The following CD46 variants were observed in gnomAD, a reference collection of about 807,000 sequenced individuals.
The protein encoded by CD46 is membrane cofactor protein.
CD46 carries 30 observed loss-of-function variants against 53.3 expected under a neutral mutation model. That is an observed-to-expected ratio of 0.56 (90% CI 0.42 to 0.76). The LOEUF is 0.76. Among genes scored for constraint, CD46 ranks in the 30% least tolerant of loss-of-function variants. The probability of loss-of-function intolerance (pLI) is 0.00; values close to 1 mark genes in which losing one functional copy is unlikely to be tolerated. For missense variants in CD46, 409 were observed against 463.0 expected (o/e 0.88, Z 1.07); for synonymous variants, 142 against 152.0 (o/e 0.93, Z 0.48).
chr1:207,772,573 C>T (rs922969465), intron 8 of CD46, among the ~76,000 whole-genome samples: 32 of 152,176 alleles, frequency 2.1e-4, no homozygotes, highest in Non-Finnish European at 4.6e-4. Context: ...AGATATATTC[C>T]ATCAATACCT....
At chr1:207,779,913 C>CTGTTTTTTTTTTTTTTTTT (rs1658543170) in intron 8 of CD46, among the ~76,000 whole-genome samples, 1 of 62,382 alleles carries the variant, frequency 1.6e-5, no homozygotes, top group Non-Finnish European at 3.0e-5. Context: ...AAAAGCAAGT[C>CTGTTTTTTTTTTTTTTTTT]TTTTTTTTTT....
intron 6 of CD46, 82 bp downstream of exon 6, chr1:207,767,277 A>G (rs1180313725): frequency 2.1e-5 from 25 of 1,182,124 alleles, no homozygotes; most frequent in Non-Finnish European, 3.2e-5. Flanking sequence ...GATATTAACT[A>G]TCAGTCATAC....
intron 7 of CD46, chr1:207,768,919 T>C (rs1303265179): frequency 6.6e-6 from 1 of 152,190 alleles, no homozygotes; most frequent in Admixed American, 6.5e-5. Context: ...CTCCCTAATA[T>C]TTTAAAGGAT....
chr1:207,771,948 C>T (rs1452707900), intron 8 of CD46, among the ~76,000 whole-genome samples: 1 of 152,108 alleles, frequency 6.6e-6, no homozygotes, highest in Non-Finnish European at 1.5e-5. Context: ...TCAGTGGTAG[C>T]TTGATGTGGA....
chr1:207,764,374 A>G (rs2102580968), intron 5 of CD46, among the ~76,000 whole-genome samples: 3 of 152,314 alleles, frequency 2.0e-5, no homozygotes, highest in Admixed American at 2.0e-4. Context: ...AATCCATGTA[A>G]TTAATGGCCG....
rs921136248 is a variant in CD46 at position 207,763,555 on chromosome 1, A to G, written c.673+2109A>G. Among the ~76,000 whole-genome samples, 15 of 152,354 alleles carry G rather than the reference A, an allele frequency of 9.8e-5. No individual in the cohort carries two copies. In the East Asian group the frequency reaches 1.7e-3, roughly 18 times the overall value. On this transcript the variant is annotated intron_variant, in intron 5 of 12. Coordinates refer to ENST00000367042, the MANE Select transcript of CD46 (RefSeq NM_172351.3). ...CTCGGAGACGGCGAGCTGCAACTGC[A>G]GCAATCTTGTTTAAATTTAGGTAGG...
intron 8 of CD46, among the ~76,000 whole-genome samples, chr1:207,781,451 T>C (rs1353927678): frequency 6.6e-6 from 1 of 152,154 alleles, no homozygotes; most frequent in Non-Finnish European, 1.5e-5. Flanking sequence ...TGAAATATAA[T>C]TTTTTTCTTG....
intron 6 of CD46, chr1:207,767,562 A>G (rs765660436): frequency 3.0e-5 from 43 of 1,456,294 alleles, no homozygotes; most frequent in Non-Finnish European, 4.1e-5. Flanking sequence ...AATGAGAGCA[A>G]TAACTCCCAA....
At chr1:207,792,317 T>G (rs917408551) in intron 12 of CD46, among the ~76,000 whole-genome samples, 2 of 152,034 alleles carry the variant, frequency 1.3e-5, no homozygotes, top group African/African-American at 4.8e-5. Context: ...AAAAATATAG[T>G]GGTCTTGGAG....
chr1:207,774,326 CTCTT>C (rs1484085129), intron 8 of CD46, among the ~76,000 whole-genome samples: 1 of 152,086 alleles, frequency 6.6e-6, no homozygotes, highest in African/African-American at 2.4e-5. Context: ...TGGGTCTTGA[CTCTT>C]TATCCAATTT....
At chr1:207,767,601 T>C in intron 6 of CD46, 178 bp from the exon 7 acceptor site, 1 of 1,610,904 alleles carries the variant, frequency 6.2e-7, no homozygotes, top group Non-Finnish European at 8.5e-7. Flanking sequence ...TTATTTTGTT[T>C]CCTAGTGCTG....
intron 1 of CD46, among the ~76,000 whole-genome samples, chr1:207,753,138 C>G (rs983819809): frequency 6.6e-5 from 10 of 152,082 alleles, no homozygotes; most frequent in Admixed American, 6.5e-4. Context: ...GTATCTGATT[C>G]CATTGCCTAA....
rs145041158 is a variant in CD46 at position 207,759,702 on chromosome 1, C to T, written c.453C>T (p.Ser151=). Residue 151 remains serine, a synonymous_variant, in exon 4 of 13, where the codon AGC becomes AGT. Coordinates refer to ENST00000367042, the MANE Select transcript of CD46 (RefSeq NM_172351.3). ...TTAAAGGATCAGTAGCAATTTGGAG[C>T]GGTAAGCCCCCAATATGTGAAAGTA... is the stretch of plus-strand genomic sequence containing the variant. ...CELKGSVAIW[S]GKPPICEKVL... is the part of the protein sequence containing the mutation. The T allele has an allele frequency of 2.8e-3, 4,417 of 1,604,142 alleles. 60 individuals carry two copies. In the East Asian group the frequency reaches 0.038, roughly 14 times the overall value.
At chr1:207,774,691 A>G (rs532876881) in intron 8 of CD46, among the ~76,000 whole-genome samples, 1 of 152,296 alleles carries the variant, frequency 6.6e-6, no homozygotes, top group Non-Finnish European at 1.5e-5. Context: ...TATTTTCTTT[A>G]AGAATGTTGA....
chr1:207,754,677 G>A (rs1001228854), intron 1 of CD46, among the ~76,000 whole-genome samples: 17 of 151,976 alleles, frequency 1.1e-4, no homozygotes, highest in African/African-American at 3.9e-4. Flanking sequence ...GTCTTTCTGC[G>A]GTACCTAAAA....
intron 11 of CD46, among the ~76,000 whole-genome samples, chr1:207,789,725 G>A (rs1379123354): frequency 5.9e-5 from 9 of 151,926 alleles, no homozygotes; most frequent in African/African-American, 2.2e-4. Context: ...CATACTCAAT[G>A]TATTCCCTCA....
At position 207,760,591 on chromosome 1, in the gene CD46, G is replaced by A. The variant is rs144224653; in HGVS notation, c.476-658G>A. 589 of 152,344 alleles carry A rather than the reference G, an allele frequency of 3.9e-3. 3 individuals are homozygous for A. The highest frequency in any genetic ancestry group is 7.0e-3 in the Non-Finnish European group (475 of 68,092). The allele number at this position is 152,344 out of a possible 1,614,324, so 9.4% of individuals were successfully genotyped here. A position where few individuals can be genotyped will look rare whatever the true frequency, so the allele number is the denominator to read the frequency against. Reference sequence around the variant, plus strand: ...CATGGCCTTCCAAATAAATACAGGCGTATTAGGCCGTTTTCGTATTGCTCT... The same window carrying A: ...CATGGCCTTCCAAATAAATACAGGCATATTAGGCCGTTTTCGTATTGCTCT... On this transcript the variant is annotated intron_variant, in intron 4 of 12. Coordinates refer to ENST00000367042, the MANE Select transcript of CD46 (RefSeq NM_172351.3).
intron 8 of CD46, among the ~76,000 whole-genome samples, chr1:207,780,902 T>C (rs145436249): frequency 2.6e-5 from 4 of 151,846 alleles, no homozygotes; most frequent in South Asian, 4.2e-4. Flanking sequence ...TGTCATAATA[T>C]GATGGAAGGC....
intron 1 of CD46, among the ~76,000 whole-genome samples, chr1:207,755,732 T>G (rs1223483799): frequency 6.6e-6 from 1 of 152,248 alleles, no homozygotes; most frequent in Non-Finnish European, 1.5e-5. Context: ...GCAGTCCATA[T>G]CTGGTCACCT....
Sources: gnomAD v4.1 joint callset for allele counts (sites outside exome capture counted in the v4.1 genomes callset) on GRCh38, gnomAD v4.1.1 for gene constraint, MANE v1.5 for transcripts, NCBI Gene and HGNC (gene_info 2026-07-23, HGNC 2026-07-21) for gene names.